Variants in TRPM3 observed in about 807,000 individuals in gnomAD.
TRPM3 encodes the protein transient receptor potential cation channel subfamily M member 3, also known as long transient receptor potential channel 3.
TRPM3 carries 77 observed loss-of-function variants against 181.2 expected under a neutral mutation model. The ratio of observed to expected loss-of-function variants is 0.42; its 90% CI spans 0.35 to 0.51. TRPM3 has a LOEUF of 0.51. TRPM3 is among the 20% of genes least tolerant of loss of function. The pLI is 0.01. For synonymous variants in TRPM3, 745 were observed against 796.4 expected (o/e 0.94, Z 1.09); for missense variants, 1,759 against 2,196.7 (o/e 0.80, Z 3.98).
chr9:70,754,685 C>A (rs562197378), intron 8 of TRPM3, among the ~76,000 whole-genome samples: 2 of 152,238 alleles, frequency 1.3e-5, no homozygotes, highest in South Asian at 2.1e-4. Context: ...ACTCTAGAAC[C>A]AAATAGCTTA....
At chr9:71,256,934 C>G (rs10746869) in intron 1 of TRPM3, among the ~76,000 whole-genome samples, 1 of 151,962 alleles carries the variant, frequency 6.6e-6, no homozygotes, top group African/African-American at 2.4e-5. Context: ...GGAAAAGTTG[C>G]ATATTATAAC....
In TRPM3 at chr9:70,535,473, GA is replaced by G. The variant is rs1353090702; in HGVS notation, c.*479del. On this transcript the variant is annotated 3_prime_UTR_variant, in exon 26 of 26. Coordinates refer to ENST00000677713, the MANE Select transcript of TRPM3 (RefSeq NM_001366145.2). Reference sequence around the variant, plus strand: ...TGCTCTTCATCAGTCACCAGTGATGGAGCCAATGTGAAAAGAAAACAGAATG... The same window carrying G: ...TGCTCTTCATCAGTCACCAGTGATGGGCCAATGTGAAAAGAAAACAGAATG... The G allele has an allele frequency of 1.3e-6, 2 of 1,550,512 alleles. No individual in the cohort carries two copies. The highest frequency in any genetic ancestry group is 3.9e-5 in the Admixed American group (2 of 50,994).
rs551360285 is a variant in TRPM3, at chr9:70,923,959, C to CAT, written c.178-59450_178-59449dup. ...ATACATATATATATACACACACACA[C>CAT]ATATATATATACACACAATCTATCT... is the stretch of plus-strand genomic sequence containing the variant. On this transcript the variant is annotated intron_variant, in intron 1 of 25. Coordinates refer to ENST00000677713, the MANE Select transcript of TRPM3 (RefSeq NM_001366145.2). 2.8e-3 allele frequency among the ~76,000 whole-genome samples: 424 copies of CAT among 150,708 alleles called. 1 individual carries two copies. The highest frequency in any genetic ancestry group is 9.7e-3 in the African/African-American group (396 of 40,926).
chr9:71,200,551 G>A (rs1374709997), intron 1 of TRPM3, among the ~76,000 whole-genome samples: 5 of 152,230 alleles, frequency 3.3e-5, no homozygotes, highest in South Asian at 4.1e-4. Context: ...ATGAATCTGG[G>A]TGCTCCTGCA....
At chr9:71,004,601 A>G (rs1001696860) in intron 1 of TRPM3, among the ~76,000 whole-genome samples, 1 of 152,226 alleles carries the variant, frequency 6.6e-6, no homozygotes. Context: ...TGACATCACC[A>G]AAAGAAACAA....
Position 71,199,874 on chromosome 9 carries a change from C to A in TRPM3, c.183+246779G>T, listed in dbSNP as rs1182867624. 4.6e-5 allele frequency among the ~76,000 whole-genome samples: 7 copies of A among 152,112 alleles called. No homozygotes were observed. In the East Asian group the frequency reaches 1.4e-3, roughly 29 times the overall value. ...GGGTTTTTTGTGTCTCTATTTCCTT[C>A]AGTTCTGCTCTGATTTTAGTTATTT... On this transcript the variant is annotated intron_variant, in intron 1 of 24. Coordinates refer to the TRPM3 transcript ENST00000357533.
At chr9:71,269,558 A>T (rs1048321787) in intron 1 of TRPM3, among the ~76,000 whole-genome samples, 1 of 152,174 alleles carries the variant, frequency 6.6e-6, no homozygotes, top group Non-Finnish European at 1.5e-5. Context: ...CTGGCCAGTG[A>T]GCTGGGAGAG....
chr9:70,894,322 C>G (rs1402653704), intron 1 of TRPM3, among the ~76,000 whole-genome samples: 4 of 152,172 alleles, frequency 2.6e-5, no homozygotes, highest in African/African-American at 9.7e-5. Context: ...GGATTAGGAC[C>G]TGGCAGAGGT....
At chr9:70,552,667 CATT>C (rs1248027942) in intron 24 of TRPM3, among the ~76,000 whole-genome samples, 174 bp downstream of exon 24, 5 of 152,170 alleles carry the variant, frequency 3.3e-5, no homozygotes, top group Non-Finnish European at 5.9e-5. Flanking sequence ...TTCTTTCTGA[CATT>C]ATTTCTCATT....
chr9:71,045,106 A>ATTG (rs920071438), intron 1 of TRPM3, among the ~76,000 whole-genome samples: 6 of 145,472 alleles, frequency 4.1e-5, no homozygotes, highest in African/African-American at 1.5e-4. Context: ...TATTATTATT[A>ATTG]TTATTTTGGA....
intron 1 of TRPM3, among the ~76,000 whole-genome samples, chr9:71,241,709 A>T (rs575821188): frequency 4.3e-4 from 65 of 152,340 alleles, no homozygotes; most frequent in African/African-American, 1.6e-3. Flanking sequence ...TGAGAATTCT[A>T]TTCCGTAACA....
At chr9:71,330,974 G>A (rs185270519) in intron 1 of TRPM3, among the ~76,000 whole-genome samples, 77 of 151,858 alleles carry the variant, frequency 5.1e-4, no homozygotes, top group Non-Finnish European at 8.7e-4. Context: ...CAGATTTTGT[G>A]TATCTTTAAA....
At chr9:71,255,765 T>C (rs897453040) in intron 1 of TRPM3, among the ~76,000 whole-genome samples, 1 of 152,160 alleles carries the variant, frequency 6.6e-6, no homozygotes, top group Non-Finnish European at 1.5e-5. Flanking sequence ...CATCCTATTA[T>C]GTGTAAAATA....
rs1326361673 is a variant in TRPM3, at chr9:71,024,116, C to T, written c.177+97062G>A. Among the ~76,000 whole-genome samples the T allele has an allele frequency of 6.6e-5, 10 of 152,072 alleles. No homozygotes were observed. The South Asian group carries it at 8.3e-4, about 13-fold the overall frequency. On this transcript the variant is annotated intron_variant, in intron 1 of 25. Coordinates refer to ENST00000677713, the MANE Select transcript of TRPM3 (RefSeq NM_001366145.2). ...TGGGAGAAATCAGGGAAAGGATACA[C>T]GAGATCTTTTCATATTATTTCTTAC...
In TRPM3 at chr9:70,696,359, C is replaced by A. The variant is rs111776445; in HGVS notation, c.1273-14781G>T. Among the ~76,000 whole-genome samples the A allele has an allele frequency of 1.6e-3, 240 of 152,294 alleles. 1 individual carries two copies. Among genetic ancestry groups the A allele is most frequent in the African/African-American group, 5.6e-3 (232 of 41,558 alleles). On this transcript the variant is annotated intron_variant, in intron 8 of 25. Coordinates refer to ENST00000677713, the MANE Select transcript of TRPM3 (RefSeq NM_001366145.2). ...TCTGCATTATTTCCCATCCGGAGAC[C>A]GATCAGGTTTCCTCCTAATACACAT... is the stretch of plus-strand genomic sequence containing the variant.
intron 9 of TRPM3, among the ~76,000 whole-genome samples, chr9:70,672,548 T>C (rs190559460): frequency 6.6e-6 from 1 of 152,362 alleles, no homozygotes; most frequent in East Asian, 1.9e-4. Context: ...AAATTGTGTT[T>C]CTGTTACTTG....
chr9:71,118,578 C>G (rs916604798), intron 1 of TRPM3, among the ~76,000 whole-genome samples: 1 of 151,940 alleles, frequency 6.6e-6, no homozygotes, highest in Non-Finnish European at 1.5e-5. Context: ...CAGAGTTTAG[C>G]TAAATCTAAT....
chr9:70,986,344 C>T (rs2097421370), intron 1 of TRPM3, among the ~76,000 whole-genome samples: 1 of 152,050 alleles, frequency 6.6e-6, no homozygotes, highest in Admixed American at 6.6e-5. Context: ...ACCTGGGCAA[C>T]AGAGGAACAC....
At chr9:70,821,370 G>A (rs1250909678) in intron 6 of TRPM3, among the ~76,000 whole-genome samples, 2 of 152,206 alleles carry the variant, frequency 1.3e-5, no homozygotes, top group African/African-American at 4.8e-5. Flanking sequence ...GAGGCTGGAT[G>A]ATAGCTGTAG....
Sources: gnomAD v4.1 joint callset for allele counts (sites outside exome capture counted in the v4.1 genomes callset) on GRCh38, gnomAD v4.1.1 for gene constraint, MANE v1.5 for transcripts, NCBI Gene and HGNC (gene_info 2026-07-23, HGNC 2026-07-21) for gene names.